The following ANKRD36C variants were observed in gnomAD, a reference collection of about 807,000 sequenced individuals.
The protein encoded by ANKRD36C is ankyrin repeat domain 36C.
In ANKRD36C, 61 loss-of-function variants were observed where a neutral mutation model predicts 276.4. The ratio of observed to expected loss-of-function variants is 0.22; its 90% CI spans 0.18 to 0.27. The LOEUF (loss-of-function observed/expected upper bound fraction) is 0.27, where lower values mean the gene tolerates loss of function less well. Ranked by LOEUF, ANKRD36C falls within the 10% of genes least tolerant of loss-of-function variation. The pLI is 1.00. For missense variants in ANKRD36C, 1,447 were observed against 2,032.3 expected (o/e 0.71, Z 5.54); for synonymous variants, 483 against 680.1 (o/e 0.71, Z 4.51).
At chr2:95,973,212 G>A (rs1678733144) in intron 6 of ANKRD36C, among the ~76,000 whole-genome samples, 2 of 152,188 alleles carry the variant, frequency 1.3e-5, no homozygotes, top group East Asian at 3.9e-4. Context: ...AGGAGATGGA[G>A]ACCATCCTGG....
At chr2:95,888,301 G>C (rs1165046981) in intron 48 of ANKRD36C, among the ~76,000 whole-genome samples, 181 bp from the exon 69 acceptor site, 1 of 151,656 alleles carries the variant, frequency 6.6e-6, no homozygotes, top group African/African-American at 2.4e-5. Flanking sequence ...GGTGAATACA[G>C]GCTTCACAAA....
At chr2:95,893,413 AT>A in intron 44 of ANKRD36C, 119 bp downstream of exon 64, 1 of 1,392,170 alleles carries the variant, frequency 7.2e-7, no homozygotes, top group South Asian at 1.3e-5. Context: ...CAAATGAAGA[AT>A]CTCCGGCCTG....
At chr2:95,947,822 C>T (rs1021718747) in intron 17 of ANKRD36C, among the ~76,000 whole-genome samples, 11 of 152,086 alleles carry the variant, frequency 7.2e-5, no homozygotes, top group Admixed American at 2.6e-4. Flanking sequence ...TAATATTCCA[C>T]AATTTTTTAA....
At chr2:95,849,342 G>C (rs1429745381), downstream of ANKRD36C, among the ~76,000 whole-genome samples, 1 of 152,206 alleles carries the variant, frequency 6.6e-6, no homozygotes, top group African/African-American at 2.4e-5. Context: ...ATACAGGCAT[G>C]AGCCACTGCA....
exon 63 of ANKRD36C, chr2:95,855,749 T>C: frequency 6.2e-7 from 1 of 1,613,784 alleles, no homozygotes. Context: ...AATTCAAATT[T>C]TCCTGTAAAT....
intron 41 of ANKRD36C, 42 bp from the exon 44 acceptor site, chr2:95,912,358 C>T (rs769472428): frequency 5.4e-5 from 86 of 1,602,420 alleles, no homozygotes; most frequent in Non-Finnish European, 7.1e-5. Flanking sequence ...AGGTATGTTT[C>T]ATAGGCTTTA....
At chr2:95,954,359 G>A (rs1678278591) in intron 13 of ANKRD36C, among the ~76,000 whole-genome samples, 1 of 152,080 alleles carries the variant, frequency 6.6e-6, no homozygotes, top group Non-Finnish European at 1.5e-5. Context: ...AAATCCAGTT[G>A]ATATCTGACA....
chr2:95,954,032 A>G (rs1291256604), intron 13 of ANKRD36C, 27 bp from the exon 14 acceptor site: 7 of 1,533,014 alleles, frequency 4.6e-6, no homozygotes, highest in Non-Finnish European at 5.2e-6. Context: ...TACAGCAAAA[A>G]TGAGCACGTT....
chr2:95,979,701 G>C (rs1678878522), intron 5 of ANKRD36C, among the ~76,000 whole-genome samples: 1 of 151,884 alleles, frequency 6.6e-6, no homozygotes, highest in Non-Finnish European at 1.5e-5. Flanking sequence ...AAAAAACTGT[G>C]ATCTCTTTCT....
At chr2:95,959,264 T>C in intron 10 of ANKRD36C, among the ~76,000 whole-genome samples, 1 of 151,956 alleles carries the variant, frequency 6.6e-6, no homozygotes, top group East Asian at 1.9e-4. Context: ...AATGGCACTT[T>C]AGTTGAATGT....
At chr2:95,977,077 T>C (rs1162337802) in intron 6 of ANKRD36C, among the ~76,000 whole-genome samples, 1 of 151,924 alleles carries the variant, frequency 6.6e-6, no homozygotes, top group African/African-American at 2.4e-5. Context: ...TCATTCTACG[T>C]CTGCATCTCC....
intron 44 of ANKRD36C, chr2:95,893,604 G>A (rs779097027): frequency 1.3e-6 from 2 of 1,583,820 alleles, no homozygotes. Context: ...GTCACCTGTA[G>A]CCTGAATGGA....
At chr2:95,895,893 G>A (rs1479440089) in intron 44 of ANKRD36C, among the ~76,000 whole-genome samples, 40 of 151,000 alleles carry the variant, frequency 2.6e-4, no homozygotes, top group African/African-American at 4.6e-4. Context: ...AATGTGATCT[G>A]AAAACAGAGG....
chr2:95,888,206 T>C, intron 48 of ANKRD36C, 86 bp from the exon 69 acceptor site: 6 of 1,586,358 alleles, frequency 3.8e-6, no homozygotes, highest in Non-Finnish European at 4.3e-6. Flanking sequence ...CATCAAGATG[T>C]ATCTTCCTGC....
chr2:95,879,348 C>G (rs987003622), intron 58 of ANKRD36C, among the ~76,000 whole-genome samples: 1 of 152,044 alleles, frequency 6.6e-6, no homozygotes, highest in African/African-American at 2.4e-5. Context: ...TAAGTACAAA[C>G]TATAGTTAGA....
chr2:95,951,142 GC>G (rs1678182889), intron 15 of ANKRD36C, among the ~76,000 whole-genome samples: 1 of 152,266 alleles, frequency 6.6e-6, no homozygotes, highest in African/African-American at 2.4e-5. Context: ...GTGTGGTGGT[GC>G]ACGCCTGTAA....
intron 26 of ANKRD36C, 58 bp from the exon 27 acceptor site, chr2:95,927,467 A>G (rs1677439042): frequency 4.4e-6 from 7 of 1,601,384 alleles, no homozygotes; most frequent in Non-Finnish European, 6.0e-6. Context: ...ATTTATCCAT[A>G]CATTCATGAA....
At chr2:95,895,739 G>T (rs1182024692) in intron 44 of ANKRD36C, 149 bp from the exon 61 acceptor site, 12 of 1,383,656 alleles carry the variant, frequency 8.7e-6, no homozygotes, top group Admixed American at 4.1e-5. Flanking sequence ...GGACCAGAAG[G>T]TGACAGAAAT....
At chr2:95,876,940 T>C (rs1251207996) in intron 58 of ANKRD36C, among the ~76,000 whole-genome samples, 1 of 150,732 alleles carries the variant, frequency 6.6e-6, no homozygotes, top group Non-Finnish European at 1.5e-5. Context: ...AATATTTACT[T>C]CTTTAAGAAA....
Sources: allele counts gnomAD v4.1 joint callset (sites outside exome capture counted in the v4.1 genomes callset), GRCh38; gene constraint gnomAD v4.1.1; transcripts MANE v1.5; gene names NCBI Gene and HGNC (gene_info 2026-07-23, HGNC 2026-07-21).